The following LGI1 variants were observed in gnomAD, a reference collection of about 807,000 sequenced individuals.
LGI1 encodes leucine rich glioma inactivated 1.
Under a neutral mutation model 57.7 loss-of-function variants are expected in LGI1, and 11 were observed. That is an observed-to-expected ratio of 0.19 (90% CI 0.12 to 0.32). The LOEUF is 0.32. Among genes scored for constraint, LGI1 ranks in the 10% least tolerant of loss-of-function variants. The probability of loss-of-function intolerance (pLI) is 1.00; values close to 1 mark genes in which losing one functional copy is unlikely to be tolerated. For missense variants in LGI1, 422 were observed against 661.9 expected, an observed-to-expected ratio of 0.64 and a Z score of 3.98; for synonymous variants, 222 against 241.9, an observed-to-expected ratio of 0.92 and a Z score of 0.76.
At chr10:93,781,108 C>T (rs2059842959) in intron 4 of LGI1, among the ~76,000 whole-genome samples, 1 of 152,106 alleles carries the variant, frequency 6.6e-6, no homozygotes, top group South Asian at 2.1e-4. Flanking sequence ...CCTGTAATCC[C>T]AGCACTTTGG....
chr10:93,781,638 A>T (rs1030204952), intron 4 of LGI1, among the ~76,000 whole-genome samples: 1 of 152,124 alleles, frequency 6.6e-6, no homozygotes, highest in African/African-American at 2.4e-5. Context: ...GTATATTTGA[A>T]TTTTTCTGAT....
In LGI1 at chr10:93,797,193, G is replaced by C. The variant is rs2059987872; in HGVS notation, c.1064G>C (p.Gly355Ala). Residue 355 changes from glycine (G) to alanine (A), a missense_variant, in exon 8 of 8, where the codon GGT becomes GCT. Coordinates refer to ENST00000371418, the MANE Select transcript of LGI1 (RefSeq NM_005097.4). The surrounding 1 kb of genome is among the most constrained non-coding windows in gnomAD (Gnocchi z 6.5). ...YFVVADSSKA[G>A]FTTIYKWNGN... The stretch of plus-strand genomic sequence containing the variant: ...GTTGTTGCTGACAGTTCAAAAGCTG[G>C]TTTTACTACCATTTACAAATGGAAC... 1.9e-6 allele frequency: 3 copies of C among 1,614,016 alleles called. No individual in the cohort carries two copies. In the Admixed American group the frequency reaches 5.0e-5, roughly 27 times the overall value.
chr10:93,767,448 A>G (rs566940067), intron 2 of LGI1: 8 of 152,270 alleles, frequency 5.3e-5, no homozygotes, highest in African/African-American at 1.9e-4. Context: ...CATCTCTGAA[A>G]TTATTCAAAA....
rs775901528 is a variant in LGI1, at chr10:93,797,460, T to A, written c.1331T>A (p.Val444Glu). 21 of 1,614,074 alleles carry A rather than the reference T, an allele frequency of 1.3e-5. No individual in the cohort carries two copies. The highest frequency in any genetic ancestry group is 1.8e-5 in the Non-Finnish European group (21 of 1,180,028). ...AAGCACTTCTCAGTGAAAGGGGACG[T>A]GTACATTTGCTTGACAAGATTCATT... ...AVKHFSVKGDVYICLTRFIGD... is the reference protein window; with the variant it reads ...AVKHFSVKGDEYICLTRFIGD... The change falls in exon 8 of 8, where the codon GTG becomes GAG. Residue 444 changes from valine to glutamate, a missense_variant. This residue lies in a region of LGI1 where 301 missense variants were observed against 461.7 expected (regional missense o/e 0.65). Coordinates refer to ENST00000371418, the MANE Select transcript of LGI1 (RefSeq NM_005097.4). This position sits in a 1 kb window ranked among gnomAD's most constrained non-coding sequence, Gnocchi z 6.5.
chr10:93,786,994 A>G (rs2059897482), intron 4 of LGI1, among the ~76,000 whole-genome samples: 1 of 152,084 alleles, frequency 6.6e-6, no homozygotes, highest in Non-Finnish European at 1.5e-5. Context: ...CTTTTTATCT[A>G]AATGTAACCT....
intron 2 of LGI1, chr10:93,764,750 G>A (rs1278901760): frequency 1.3e-5 from 2 of 152,202 alleles, no homozygotes; most frequent in East Asian, 3.9e-4. Flanking sequence ...AACAATGCAT[G>A]AAAAATGCTT....
rs151241826 is a variant in LGI1 at position 93,761,755 on chromosome 10, A to G, written c.287+2924A>G. ...AAATTCATTAGATTAGTTGTAATAT[A>G]CATTTTTTAAAAATCTCATTTATGG... On this transcript the variant is annotated intron_variant, in intron 2 of 7. Transcript: ENST00000371418. 2.0e-5 allele frequency among the ~76,000 whole-genome samples: 3 copies of G among 152,364 alleles called. No individual in the cohort carries two copies. The East Asian group carries it at 5.8e-4, about 29-fold the overall frequency.
Position 93,797,293 on chromosome 10 carries a change from C to T in LGI1, c.1164C>T (p.Val388=), listed in dbSNP as rs1057522503. The part of the protein sequence containing the change: ...RDTDVEYLEI[V]RTPQTLRTPH... ...CTGATGTGGAATATCTAGAAATAGT[C>T]AGAACACCTCAGACACTCAGAACGC... The change falls in exon 8 of 8, where the codon GTC becomes GTT. Residue 388 remains valine (V), a synonymous_variant. Coordinates refer to ENST00000371418, the MANE Select transcript of LGI1 (RefSeq NM_005097.4). This position sits in a 1 kb window ranked among gnomAD's most constrained non-coding sequence, Gnocchi z 6.5. 1.2e-6 allele frequency: 2 copies of T among 1,614,058 alleles called. No individual in the cohort carries two copies. Among genetic ancestry groups the T allele is most frequent in the South Asian group, 1.1e-5 (1 of 91,088 alleles).
At chr10:93,762,249 G>C (rs974985963) in intron 2 of LGI1, among the ~76,000 whole-genome samples, 1 of 152,226 alleles carries the variant, frequency 6.6e-6, no homozygotes, top group African/African-American at 2.4e-5. Flanking sequence ...GGTCTTGTTT[G>C]AAAGACAGAA....
chr10:93,761,613 G>A (rs937178159), intron 2 of LGI1, among the ~76,000 whole-genome samples: 2 of 152,178 alleles, frequency 1.3e-5, no homozygotes, highest in Admixed American at 6.5e-5. Context: ...GAAGTTACAT[G>A]CAGTGTTTGG....
intron 4 of LGI1, among the ~76,000 whole-genome samples, chr10:93,785,688 G>A (rs2059889949): frequency 6.6e-6 from 1 of 152,182 alleles, no homozygotes; most frequent in Non-Finnish European, 1.5e-5. Context: ...AGCTGGGAGT[G>A]GGATGAAGAC....
intron 4 of LGI1, among the ~76,000 whole-genome samples, chr10:93,783,869 G>A (rs1222529200): frequency 2.0e-4 from 31 of 152,072 alleles, no homozygotes; most frequent in African/African-American, 3.4e-4. Context: ...AAAATTAGCC[G>A]GGCATGGTGG....
At chr10:93,772,575 A>G (rs1372081688) in intron 2 of LGI1, 1 of 152,204 alleles carries the variant, frequency 6.6e-6, no homozygotes, top group Non-Finnish European at 1.5e-5. Flanking sequence ...TGATATAATA[A>G]GCAAATGAAA....
At chr10:93,791,623 T>G (rs1487264676) in intron 5 of LGI1, 1 of 152,218 alleles carries the variant, frequency 6.6e-6, no homozygotes, top group Non-Finnish European at 1.5e-5. Flanking sequence ...TTTGGGCGTT[T>G]AAAAATTATT....
intron 2 of LGI1, among the ~76,000 whole-genome samples, chr10:93,773,839 A>G (rs539627943): frequency 6.6e-6 from 1 of 152,314 alleles, no homozygotes; most frequent in East Asian, 1.9e-4. Flanking sequence ...AAGTGTTCCC[A>G]TGGAACTGGG....
At chr10:93,773,404 T>C (rs1394223300) in intron 2 of LGI1, among the ~76,000 whole-genome samples, 1 of 152,166 alleles carries the variant, frequency 6.6e-6, no homozygotes, top group East Asian at 1.9e-4. Context: ...GGAAAGTGTT[T>C]GGTAGCCTTC....
Position 93,792,921 on chromosome 10 carries a change from C to T in LGI1, c.673+9C>T. 1 of 1,611,800 alleles carries T rather than the reference C, an allele frequency of 6.2e-7. No homozygotes were observed. Among genetic ancestry groups the T allele is most frequent in the Non-Finnish European group, 8.5e-7 (1 of 1,177,924 alleles). ...TGATTGCATCATTACAGGTAATGTA[C>T]TCATCATCATTCCACCTCAAAAAAT... On this transcript the variant is annotated intron_variant, in intron 6 of 7. Coordinates refer to ENST00000371418, the MANE Select transcript of LGI1 (RefSeq NM_005097.4).
At position 93,797,253 on chromosome 10, in the gene LGI1, C is replaced by G. The variant is rs778913748; in HGVS notation, c.1124C>G (p.Ala375Gly). Residue 375 changes from alanine to glycine, a missense_variant, in exon 8 of 8, where the codon GCG becomes GGG. Physicochemically the swap from Ala to Gly is moderately conservative, Grantham distance 60. This residue lies in a region of LGI1 where 301 missense variants were observed against 461.7 expected (regional missense o/e 0.65). Transcript: ENST00000371418. The surrounding 1 kb of genome is among the most constrained non-coding windows in gnomAD (Gnocchi z 6.5). Reference protein sequence around the residue: ...NGFYSHQSLHAWYRDTDVEYL... With the variant: ...NGFYSHQSLHGWYRDTDVEYL... ...TTCTACTCCCATCAATCCTTACACG[C>G]GTGGTACAGGGACACTGATGTGGAA... 6.2e-7 allele frequency: 1 copy of G among 1,614,160 alleles called. No homozygotes were observed.
At chr10:93,774,702 C>A (rs1218263285) in intron 2 of LGI1, among the ~76,000 whole-genome samples, 1 of 151,706 alleles carries the variant, frequency 6.6e-6, no homozygotes, top group Non-Finnish European at 1.5e-5. Context: ...AGAACACGGC[C>A]ACCCTGGTCT....
Sources: gnomAD v4.1 joint callset for allele counts (sites outside exome capture counted in the v4.1 genomes callset) on GRCh38, gnomAD v4.1.1 for gene constraint, gnomAD v4.1.1 regional missense constraint, Gnocchi (gnomAD v3.1) non-coding constraint, MANE v1.5 for transcripts, NCBI Gene and HGNC (gene_info 2026-07-23, HGNC 2026-07-21) for gene names.